FHIP2A: variants seen among roughly 807,000 people sequenced by gnomAD.
FHIP2A encodes family with sequence similarity 160 member B1.
Under a neutral mutation model 93.5 loss-of-function variants are expected in FHIP2A, and 46 were observed. That is an observed-to-expected ratio of 0.49 (90% confidence interval 0.39 to 0.63). FHIP2A has a LOEUF of 0.63. FHIP2A is among the 20% of genes least tolerant of loss of function. The probability of loss-of-function intolerance (pLI) is 0.00; values close to 1 mark genes in which losing one functional copy is unlikely to be tolerated. For missense variants in FHIP2A, 769 were observed against 909.7 expected (o/e 0.85, Z 1.99); for synonymous variants, 332 against 326.5 (o/e 1.02, Z -0.18).
At chr10:114,830,430 G>A (rs974151169) in intron 1 of FHIP2A, among the ~76,000 whole-genome samples, 10 of 151,860 alleles carry the variant, frequency 6.6e-5, no homozygotes, top group South Asian at 4.2e-4. Context: ...ACGGCACCAC[G>A]CCTGGCTAAT....
At chr10:114,833,805 T>C (rs2083622129) in intron 3 of FHIP2A, among the ~76,000 whole-genome samples, 1 of 152,258 alleles carries the variant, frequency 6.6e-6, no homozygotes, top group Non-Finnish European at 1.5e-5. Context: ...AGCCAATTTA[T>C]ATTTTTTAGG....
At position 114,836,255 on chromosome 10, in the gene FHIP2A, C is replaced by T. The variant is rs1566367441; in HGVS notation, c.522+9C>T. The T allele has an allele frequency of 1.3e-6, 2 of 1,563,672 alleles. No homozygotes were observed. The highest frequency in any genetic ancestry group is 1.7e-6 in the Non-Finnish European group (2 of 1,145,080). On this transcript the variant is annotated intron_variant, in intron 5 of 16. Transcript: ENST00000369248. ...TTAACTTTTTCCTAGAGGTATGATA[C>T]ACTTTTTATCAACTTTCAAACTGTA...
intron 5 of FHIP2A, among the ~76,000 whole-genome samples, chr10:114,838,662 C>T (rs1398101945): frequency 2.0e-5 from 3 of 152,134 alleles, no homozygotes; most frequent in African/African-American, 7.2e-5. Context: ...ATTTCTTTCT[C>T]AAAAATTTCT....
intron 16 of FHIP2A, among the ~76,000 whole-genome samples, chr10:114,891,625 T>A (rs1319984211): frequency 3.4e-5 from 5 of 148,710 alleles, no homozygotes; most frequent in African/African-American, 5.0e-5. Context: ...ATATACATAT[T>A]TTTTTTTTTG....
At chr10:114,837,022 C>T (rs1189751682) in intron 5 of FHIP2A, among the ~76,000 whole-genome samples, 1 of 152,114 alleles carries the variant, frequency 6.6e-6, no homozygotes, top group Non-Finnish European at 1.5e-5. Context: ...TTACCTTAGC[C>T]TACCAAGTAG....
chr10:114,879,482 T>G (rs1432837219), intron 16 of FHIP2A, among the ~76,000 whole-genome samples: 3 of 152,158 alleles, frequency 2.0e-5, no homozygotes, highest in African/African-American at 7.2e-5. Context: ...CTCTGAGCAC[T>G]AATACTTTTC....
intron 12 of FHIP2A, 46 bp from the exon 13 acceptor site, chr10:114,848,601 T>C (rs1199621119): frequency 9.0e-6 from 10 of 1,107,560 alleles, no homozygotes; most frequent in Non-Finnish European, 1.1e-5. Flanking sequence ...CTTTTTTTTT[T>C]CATGCAAATG....
At chr10:114,851,411 G>C (rs1274178223) in intron 13 of FHIP2A, among the ~76,000 whole-genome samples, 1 of 151,838 alleles carries the variant, frequency 6.6e-6, no homozygotes, top group African/African-American at 2.4e-5. Context: ...TGTGAGGTGG[G>C]GTCCAGATTC....
At chr10:114,833,162 C>A in intron 2 of FHIP2A, 71 bp from the exon 3 acceptor site, 2 of 1,199,052 alleles carry the variant, frequency 1.7e-6, no homozygotes, top group Non-Finnish European at 2.3e-6. Flanking sequence ...AAGGGAAATA[C>A]AGAGTATTTT....
intron 7 of FHIP2A, 131 bp from the exon 8 acceptor site, chr10:114,845,236 C>T: frequency 3.8e-6 from 2 of 520,980 alleles, no homozygotes; most frequent in South Asian, 3.5e-5. Context: ...TCTCACTGTC[C>T]TCCAGCATTT....
At chr10:114,835,407 G>T in intron 3 of FHIP2A, 130 bp from the exon 4 acceptor site, 1 of 549,618 alleles carries the variant, frequency 1.8e-6, no homozygotes, top group Non-Finnish European at 3.3e-6. Context: ...TTATTAACTG[G>T]CCAGTTGCAT....
intron 16 of FHIP2A, among the ~76,000 whole-genome samples, chr10:114,882,801 G>C (rs1481690106): frequency 2.0e-5 from 3 of 151,474 alleles, no homozygotes; most frequent in African/African-American, 7.3e-5. Context: ...CTTGAACCCA[G>C]AAGGCAGAAG....
chr10:114,836,457 G>A (rs1252798506), intron 5 of FHIP2A, among the ~76,000 whole-genome samples: 1 of 152,166 alleles, frequency 6.6e-6, no homozygotes, highest in Non-Finnish European at 1.5e-5. Context: ...ATATGAGGTG[G>A]TACAGGGACT....
At chr10:114,881,488 G>C (rs1402297253) in intron 16 of FHIP2A, among the ~76,000 whole-genome samples, 2 of 152,080 alleles carry the variant, frequency 1.3e-5, no homozygotes, top group East Asian at 1.9e-4. Flanking sequence ...AGGTTAAGAG[G>C]GTTGCCCAGG....
At chr10:114,829,832 TCCATTTAAC>T (rs1380145737) in intron 1 of FHIP2A, among the ~76,000 whole-genome samples, 1 of 152,260 alleles carries the variant, frequency 6.6e-6, no homozygotes, top group Non-Finnish European at 1.5e-5. Context: ...TCTTTTTCTA[TCCATTTAAC>T]ACACACTTGA....
chr10:114,866,158 T>C (rs995623514), downstream of FHIP2A, among the ~76,000 whole-genome samples: 3 of 148,368 alleles, frequency 2.0e-5, no homozygotes, highest in African/African-American at 7.4e-5. Flanking sequence ...CCCCAGTGTG[T>C]GTTGTTTCCC....
At chr10:114,897,962 A>T (rs1227187526) in intron 16 of FHIP2A, among the ~76,000 whole-genome samples, 1 of 152,104 alleles carries the variant, frequency 6.6e-6, no homozygotes, top group Non-Finnish European at 1.5e-5. Flanking sequence ...TACTATTGGG[A>T]TTGTGTGTTT....
downstream of FHIP2A, among the ~76,000 whole-genome samples, chr10:114,864,941 TTAA>T (rs1259826549): frequency 1.3e-5 from 2 of 152,118 alleles, no homozygotes; most frequent in African/African-American, 4.8e-5. Context: ...ACTTCCCTTC[TTAA>T]TAATCACTGC....
chr10:114,893,931 A>G (rs962471014), intron 16 of FHIP2A, among the ~76,000 whole-genome samples: 5 of 152,140 alleles, frequency 3.3e-5, no homozygotes, highest in African/African-American at 1.2e-4. Context: ...GAGAAAATAC[A>G]CCAAAATTTT....
Sources: allele counts gnomAD v4.1 joint callset (sites outside exome capture counted in the v4.1 genomes callset), GRCh38; gene constraint gnomAD v4.1.1; transcripts MANE v1.5; gene names NCBI Gene and HGNC (gene_info 2026-07-23, HGNC 2026-07-21).